Variants in DMD observed in about 807,000 individuals in gnomAD.
DMD encodes mutant dystrophin.
A neutral mutation model predicts 330.1 loss-of-function variants in DMD; 63 were observed. That is an observed-to-expected ratio of 0.19 (90% CI 0.16 to 0.24). DMD has a LOEUF of 0.24. DMD is among the 10% of genes least tolerant of loss of function. DMD has a pLI of 1.00. For synonymous variants in DMD, 1,223 were observed against 959.8 expected, an observed-to-expected ratio of 1.27 and a Z score of -5.07; for missense variants, 3,344 against 2,684.1, an observed-to-expected ratio of 1.25 and a Z score of -5.43.
intron 51 of DMD, among the ~76,000 whole-genome samples, chrX:31,743,758 G>A (rs970032161): frequency 1.8e-5 from 2 of 111,705 alleles, no homozygotes; most frequent in Non-Finnish European, 3.8e-5. Context: ...CTGGGTGACA[G>A]TATCATTTGT....
chrX:32,631,401 G>A (rs2058719027), intron 11 of DMD, among the ~76,000 whole-genome samples: 1 of 111,942 alleles, frequency 8.9e-6, no homozygotes, highest in Non-Finnish European at 1.9e-5. Context: ...AATGAAGCTT[G>A]TGTTTTTCAC....
At chrX:32,682,794 T>TA (rs1481001248) in intron 9 of DMD, among the ~76,000 whole-genome samples, 1 of 112,025 alleles carries the variant, frequency 8.9e-6, no homozygotes, top group African/African-American at 3.2e-5. Flanking sequence ...ACCATGTAAC[T>TA]AGTTGTGCTC....
intron 1 of DMD, among the ~76,000 whole-genome samples, chrX:33,147,775 G>T (rs1413407409): frequency 3.6e-5 from 4 of 110,987 alleles, no homozygotes; most frequent in African/African-American, 9.8e-5. Context: ...TGTATATTTA[G>T]ATCTTAATAA....
At chrX:32,121,620 CATATATATAT>C (rs10535803) in intron 44 of DMD, among the ~76,000 whole-genome samples, 681 of 36,419 alleles carry the variant, frequency 0.019, 29 homozygotes, top group East Asian at 0.048. Flanking sequence ...AATATGTGTG[CATATATATAT>C]ATATATATAT....
intron 44 of DMD, among the ~76,000 whole-genome samples, chrX:32,156,916 C>T (rs539121211): frequency 1.3e-4 from 14 of 110,606 alleles, no homozygotes; most frequent in African/African-American, 3.9e-4. Context: ...ATCCCAAGGT[C>T]GCCCAACAGA....
chrX:32,912,576 G>A (rs143760804), intron 2 of DMD, among the ~76,000 whole-genome samples: 28 of 111,756 alleles, frequency 2.5e-4, no homozygotes, highest in Middle Eastern at 4.7e-3. Flanking sequence ...TTTCTATGAC[G>A]GAATATGACA....
chrX:31,151,830 T>TCTC (rs201603081), intron 74 of DMD, among the ~76,000 whole-genome samples: 13,029 of 111,663 alleles, frequency 0.12, 1,348 homozygotes, highest in African/African-American at 0.32. Context: ...TTTCCTCCAT[T>TCTC]TTCTTCTGAA....
chrX:31,537,279 T>C (rs1833753595), intron 55 of DMD, among the ~76,000 whole-genome samples: 1 of 111,835 alleles, frequency 8.9e-6, no homozygotes, highest in Admixed American at 9.5e-5. Flanking sequence ...GAACCTAGTC[T>C]GTCTCCTATC....
intron 27 of DMD, 109 bp from the exon 28 acceptor site, chrX:32,441,423 C>T: frequency 1.3e-6 from 1 of 784,601 alleles, no homozygotes; most frequent in Non-Finnish European, 1.9e-6. Context: ...TTGTATTTTT[C>T]ACCTTTACTT....
chrX:32,330,189 G>A (rs866677624), intron 41 of DMD, among the ~76,000 whole-genome samples: 10 of 112,118 alleles, frequency 8.9e-5, no homozygotes, highest in South Asian at 3.7e-4. Flanking sequence ...TCAAGGCTAT[G>A]TGAATTTGTA....
At chrX:33,336,798 G>C (rs1361638814) in intron 1 of DMD, among the ~76,000 whole-genome samples, 1 of 111,286 alleles carries the variant, frequency 9.0e-6, no homozygotes, top group Non-Finnish European at 1.9e-5. Context: ...GAAGACACAG[G>C]ATTAAGCAAT....
intron 1 of DMD, among the ~76,000 whole-genome samples, chrX:33,261,491 C>T (rs2052954160): frequency 9.1e-6 from 1 of 110,178 alleles, no homozygotes; most frequent in African/African-American, 3.3e-5. Context: ...ATTAAGATCA[C>T]TGCTTGAAGT....
chrX:33,219,830 T>C lies in DMD; in HGVS notation c.7+119429A>G, dbSNP rs371011920. ...CATGTTTTAATAGTTGTATCTCTTA[T>C]GGGGTATTAGTGAAGATCCTGGTAG... On this transcript the variant is annotated intron_variant, in intron 1 of 17. Coordinates refer to the DMD transcript ENST00000288447. Among the ~76,000 whole-genome samples the C allele has an allele frequency of 4.5e-5, 5 of 111,507 alleles. No individual in the cohort carries two copies. In the East Asian group the frequency reaches 1.4e-3, roughly 31 times the overall value.
intron 44 of DMD, among the ~76,000 whole-genome samples, chrX:32,111,533 C>T (rs187608890): frequency 8.9e-6 from 1 of 112,032 alleles, no homozygotes; most frequent in African/African-American, 3.2e-5. Context: ...AGACTAACTA[C>T]AGCTTTTTAC....
chrX:32,355,848 T>G (rs2097797200), intron 37 of DMD, among the ~76,000 whole-genome samples: 1 of 110,722 alleles, frequency 9.0e-6, no homozygotes, highest in Admixed American at 9.7e-5. Flanking sequence ...TTCATCTCAG[T>G]TTTCATGTTT....
At chrX:32,099,268 T>C in intron 44 of DMD, among the ~76,000 whole-genome samples, 1 of 111,387 alleles carries the variant, frequency 9.0e-6, no homozygotes, top group African/African-American at 3.3e-5. Flanking sequence ...CATTTTTTCA[T>C]GTGTTTTTTG....
chrX:32,757,095 A>G (rs1367026884), intron 7 of DMD, among the ~76,000 whole-genome samples: 1 of 111,812 alleles, frequency 8.9e-6, no homozygotes, highest in Non-Finnish European at 1.9e-5. Context: ...TATAGTATAC[A>G]ATATATCTTG....
chrX:31,177,923 A>G lies in DMD; in HGVS notation c.10262+9T>C. The G allele has an allele frequency of 8.3e-7, 1 of 1,203,558 alleles. No individual in the cohort carries two copies. Among genetic ancestry groups the G allele is most frequent in the Non-Finnish European group, 1.1e-6 (1 of 888,592 alleles). ...GGTAGCAGCACCCTTCAGCAAAAAA[A>G]GTACTCACGCAGAATCTACTGGCCA... On this transcript the variant is annotated intron_variant, in intron 71 of 78. Coordinates refer to ENST00000357033, the MANE Select transcript of DMD (RefSeq NM_004006.3).
intron 30 of DMD, among the ~76,000 whole-genome samples, chrX:32,404,287 G>C (rs2098104570): frequency 9.0e-6 from 1 of 111,635 alleles, no homozygotes; most frequent in Non-Finnish European, 1.9e-5. Flanking sequence ...GGGAAAAAGA[G>C]AAGGAGGAAG....
Sources: gnomAD v4.1 joint callset for allele counts (sites outside exome capture counted in the v4.1 genomes callset) on GRCh38, gnomAD v4.1.1 for gene constraint, MANE v1.5 for transcripts, NCBI Gene and HGNC (gene_info 2026-07-23, HGNC 2026-07-21) for gene names.